The following PDE4D variants were observed in gnomAD, a reference collection of about 807,000 sequenced individuals.
PDE4D encodes phosphodiesterase 4D, also known as 3',5'-cyclic-AMP phosphodiesterase 4D.
In PDE4D, 24 loss-of-function variants were observed where a neutral mutation model predicts 87.4. That is an observed-to-expected ratio of 0.27 (90% CI 0.20 to 0.39). The LOEUF is 0.39. PDE4D is among the 10% of genes least tolerant of loss of function. PDE4D has a pLI of 1.00. For synonymous variants in PDE4D, 384 were observed against 383.2 expected (o/e 1.00, Z -0.02); for missense variants, 714 against 1,041.0 (o/e 0.69, Z 4.32).
At chr5:59,723,152 G>C (rs557429691) in intron 1 of PDE4D, among the ~76,000 whole-genome samples, 29 of 152,118 alleles carry the variant, frequency 1.9e-4, no homozygotes, top group Admixed American at 9.2e-4. Context: ...AACAGGAAAA[G>C]AGAATCTGCA....
chr5:59,127,616 C>CCCCACCT, intron 5 of PDE4D, among the ~76,000 whole-genome samples: 1 of 107,140 alleles, frequency 9.3e-6, no homozygotes, highest in South Asian at 3.2e-4. Flanking sequence ...CCCCCCCACC[C>CCCCACCT]CCCACCTCAC....
upstream of PDE4D, among the ~76,000 whole-genome samples, chr5:60,489,288 A>C (rs1749389000): frequency 6.6e-6 from 1 of 152,228 alleles, no homozygotes; most frequent in South Asian, 2.1e-4. Flanking sequence ...CTTGTACATA[A>C]CTAAATCAAT....
intron 3 of PDE4D, among the ~76,000 whole-genome samples, chr5:59,975,966 G>C (rs867342631): frequency 3.3e-5 from 5 of 152,090 alleles, no homozygotes; most frequent in South Asian, 4.1e-4. Flanking sequence ...TACATTATAT[G>C]AAACAAACAA....
rs975719600 is a variant in PDE4D at position 59,893,412 on chromosome 5, A to ACTGGGG, written c.205_210dup (p.Pro69_Gln70dup). Reference sequence around the variant, plus strand: ...GGCGGCGGCGGCGGCTGTAGCGGACACTGGGGCTGGGGCTGGGGCGAGGGT... The same window carrying ACTGGGG: ...GGCGGCGGCGGCGGCTGTAGCGGACACTGGGGCTGGGGCTGGGGCTGGGGCGAGGGT... On this transcript the variant is annotated inframe_insertion, in exon 1 of 15. Transcript: ENST00000340635. 3.3e-5 allele frequency: 47 copies of ACTGGGG among 1,425,006 alleles called. No individual in the cohort carries two copies. Among genetic ancestry groups the ACTGGGG allele is most frequent in the Admixed American group, 4.8e-5 (2 of 42,060 alleles). 88.3% of individuals were successfully genotyped at this position (1,425,006 alleles called of 1,614,324 possible).
chr5:60,123,071 G>A (rs1778826084), intron 2 of PDE4D, among the ~76,000 whole-genome samples: 1 of 152,126 alleles, frequency 6.6e-6, no homozygotes, highest in African/African-American at 2.4e-5. Context: ...ATCTCCATCT[G>A]AGAGCACCTC....
Position 60,372,320 on chromosome 5 carries a change from G to A in PDE4D, c.-90+115622C>T, listed in dbSNP as rs1761109493. ...CTCCTCTCTGGTTACCACCTGCAAG[G>A]AATGCTGAGGAAAGAAGCAAGGGTC... On this transcript the variant is annotated intron_variant, in intron 1 of 16. Transcript: ENST00000502484. Among the ~76,000 whole-genome samples, 3 of 152,282 alleles carry A rather than the reference G, an allele frequency of 2.0e-5. No homozygotes were observed. In the South Asian group the frequency reaches 6.2e-4, roughly 32 times the overall value.
chr5:60,025,171 T>C (rs995875541), intron 2 of PDE4D, among the ~76,000 whole-genome samples: 1 of 152,204 alleles, frequency 6.6e-6, no homozygotes, highest in Non-Finnish European at 1.5e-5. Context: ...AACTACTTTA[T>C]TAGTTGGCCT....
At chr5:59,955,854 A>C (rs1758773938) in intron 3 of PDE4D, among the ~76,000 whole-genome samples, 1 of 151,382 alleles carries the variant, frequency 6.6e-6, no homozygotes, top group Non-Finnish European at 1.5e-5. Flanking sequence ...TAAGATCGAC[A>C]TGTTCTTTGG....
intron 1 of PDE4D, among the ~76,000 whole-genome samples, chr5:60,454,436 T>A (rs971121025): frequency 2.6e-5 from 4 of 152,152 alleles, no homozygotes; most frequent in Non-Finnish European, 4.4e-5. Flanking sequence ...AAAGAAAATG[T>A]GGTACATATA....
intron 6 of PDE4D, chr5:59,000,024 G>A (rs1750166671): frequency 1.7e-6 from 1 of 572,988 alleles, no homozygotes; most frequent in Non-Finnish European, 2.2e-6. Context: ...ATAAGGCGAG[G>A]GGGTGTGGCC....
At chr5:59,462,256 T>A (rs1469428120) in intron 1 of PDE4D, among the ~76,000 whole-genome samples, 1 of 152,122 alleles carries the variant, frequency 6.6e-6, no homozygotes, top group African/African-American at 2.4e-5. Context: ...TCTTATTATA[T>A]CATCCACCAA....
chr5:59,365,700 G>A lies in PDE4D; in HGVS notation c.456-149732C>T, dbSNP rs139551690. ...CAGTGTGGGTCTAAATAAGGGCTCCGTGGCTGGGGGTACAGAGATGGGTCC... is the reference window on the plus strand; with the variant it reads ...CAGTGTGGGTCTAAATAAGGGCTCCATGGCTGGGGGTACAGAGATGGGTCC... On this transcript the variant is annotated intron_variant, in intron 1 of 14. Transcript: ENST00000340635. Among the ~76,000 whole-genome samples the A allele has an allele frequency of 8.3e-3, 1,270 of 152,196 alleles. 16 individuals carry two copies. The highest frequency in any genetic ancestry group is 0.013 in the Non-Finnish European group (896 of 68,006).
chr5:59,637,528 A>C (rs946818475), intron 1 of PDE4D, among the ~76,000 whole-genome samples: 1 of 152,170 alleles, frequency 6.6e-6, no homozygotes, highest in Admixed American at 6.5e-5. Flanking sequence ...CTGGATGAAG[A>C]AAATGTGGCA....
rs374409931 is a variant in PDE4D at position 60,415,875 on chromosome 5, C to G, written c.-90+72067G>C. Among the ~76,000 whole-genome samples, 10 of 152,338 alleles carry G rather than the reference C, an allele frequency of 6.6e-5. No homozygotes were observed. The East Asian group carries it at 1.4e-3, about 21-fold the overall frequency. On this transcript the variant is annotated intron_variant, in intron 1 of 16. Coordinates refer to the PDE4D transcript ENST00000502484. ...GACCCACTGGGTGAAGCCATCTGGG[C>G]TCCTGAGTCTGGTGGGGACTTGGAG...
Position 60,066,152 on chromosome 5 carries a change from T to C in PDE4D, c.43-77435A>G, listed in dbSNP as rs201275229. Among the ~76,000 whole-genome samples, 1,080 of 152,278 alleles carry C rather than the reference T, an allele frequency of 7.1e-3. 22 individuals carry two copies. The highest frequency in any genetic ancestry group is 0.046 in the East Asian group (240 of 5,176). On this transcript the variant is annotated intron_variant, in intron 2 of 16. Transcript: ENST00000502484. ...CTAACTGGTGTGAGATGGTATCTCA[T>C]TGTGGTTTTGATTTGCATTTCTCTG... is the stretch of plus-strand genomic sequence containing the variant.
intron 5 of PDE4D, among the ~76,000 whole-genome samples, chr5:59,155,338 C>T (rs1780012970): frequency 6.6e-6 from 1 of 152,128 alleles, no homozygotes; most frequent in Non-Finnish European, 1.5e-5. Flanking sequence ...AACAAAATGG[C>T]TCCCAACAAA....
intron 1 of PDE4D, among the ~76,000 whole-genome samples, chr5:60,367,518 T>C (rs1760661711): frequency 6.6e-6 from 1 of 151,760 alleles, no homozygotes; most frequent in Admixed American, 6.6e-5. Context: ...TTTTTTTTCA[T>C]CCTAATAGCC....
intron 6 of PDE4D, among the ~76,000 whole-genome samples, chr5:59,014,368 C>T (rs1205844960): frequency 2.6e-5 from 4 of 152,174 alleles, no homozygotes; most frequent in Non-Finnish European, 5.9e-5. Context: ...TCCCTGTTTG[C>T]AGATGACATG....
chr5:59,165,716 T>G (rs964059746), intron 5 of PDE4D, among the ~76,000 whole-genome samples: 1 of 152,216 alleles, frequency 6.6e-6, no homozygotes, highest in Admixed American at 6.5e-5. Context: ...TAAGTCGTAG[T>G]GCTAGAATAT....
Sources: allele counts gnomAD v4.1 joint callset (sites outside exome capture counted in the v4.1 genomes callset), GRCh38; gene constraint gnomAD v4.1.1; transcripts MANE v1.5; gene names NCBI Gene and HGNC (gene_info 2026-07-23, HGNC 2026-07-21).